UBXN11: variants seen among roughly 807,000 people sequenced by gnomAD.
UBXN11 encodes the protein UBX domain-containing protein 11.
Under a neutral mutation model 62.8 loss-of-function variants are expected in UBXN11, and 47 were observed. That is an observed-to-expected ratio of 0.75 (90% CI 0.59 to 0.95). The LOEUF (loss-of-function observed/expected upper bound fraction) is 0.95, where lower values mean the gene tolerates loss of function less well. Ranked by LOEUF, UBXN11 falls within the 40% of genes least tolerant of loss-of-function variation. UBXN11 has a pLI of 0.00. For missense variants in UBXN11, 638 were observed against 661.7 expected, an observed-to-expected ratio of 0.96 and a Z score of 0.39; for synonymous variants, 294 against 267.0, an observed-to-expected ratio of 1.10 and a Z score of -0.99.
chr1:26,294,630 C>T (rs181529809), intron 7 of UBXN11, among the ~76,000 whole-genome samples: 30 of 152,322 alleles, frequency 2.0e-4, no homozygotes, highest in African/African-American at 6.7e-4. Context: ...TGCGAGGGCT[C>T]GGTAAGGTCA....
At chr1:26,310,959 G>A (rs1353759774), upstream of UBXN11, among the ~76,000 whole-genome samples, 1 of 151,874 alleles carries the variant, frequency 6.6e-6, no homozygotes, top group Non-Finnish European at 1.5e-5. Flanking sequence ...TTCTGAGATG[G>A]GGTCGCCCAG....
intron 8 of UBXN11, among the ~76,000 whole-genome samples, chr1:26,293,239 T>C (rs940828261): frequency 4.6e-5 from 7 of 152,158 alleles, no homozygotes; most frequent in Non-Finnish European, 4.4e-5. Context: ...ACACTTGGGA[T>C]AGGAGGTAGA....
At chr1:26,283,066 G>A in intron 12 of UBXN11, 129 bp from the exon 13 acceptor site, 2 of 1,214,938 alleles carry the variant, frequency 1.6e-6, no homozygotes, top group Non-Finnish European at 2.4e-6. Context: ...GGGGTGTTCT[G>A]TATAAACCAA....
chr1:26,310,244 A>G (rs2073727811), upstream of UBXN11, among the ~76,000 whole-genome samples: 2 of 152,086 alleles, frequency 1.3e-5, no homozygotes, highest in Non-Finnish European at 2.9e-5. Context: ...CTACTAAAAA[A>G]TACAAAAACT....
chr1:26,288,435 G>T (rs1293281019), intron 8 of UBXN11, among the ~76,000 whole-genome samples: 5 of 152,102 alleles, frequency 3.3e-5, no homozygotes, highest in African/African-American at 1.2e-4. Flanking sequence ...TGAGACCAGG[G>T]GCCAGGAAGA....
intron 7 of UBXN11, among the ~76,000 whole-genome samples, chr1:26,296,064 T>C (rs1423386955): frequency 1.3e-5 from 2 of 152,184 alleles, no homozygotes; most frequent in African/African-American, 2.4e-5. Context: ...TTAAATTAGA[T>C]TGGGACTTTG....
chr1:26,294,418 GT>G, intron 7 of UBXN11, 87 bp from the exon 8 acceptor site: 1 of 1,550,074 alleles, frequency 6.5e-7, no homozygotes, highest in Non-Finnish European at 8.7e-7. Context: ...CCCAGCCTCA[GT>G]CTGCAGGCAA....
At chr1:26,312,952 C>A (rs1304988311) in intron 1 of UBXN11, among the ~76,000 whole-genome samples, 1 of 111,878 alleles carries the variant, frequency 8.9e-6, no homozygotes, top group Admixed American at 1.2e-4. Context: ...GCACTCCAGA[C>A]TGGGCAACAA....
At chr1:26,299,726 G>A (rs773824553) in intron 4 of UBXN11, among the ~76,000 whole-genome samples, 6 of 152,108 alleles carry the variant, frequency 3.9e-5, no homozygotes, top group Non-Finnish European at 5.9e-5. Context: ...TGTTACCTTG[G>A]TAGGGACAGA....
chr1:26,313,057 G>T (rs373403663), intron 1 of UBXN11, among the ~76,000 whole-genome samples: 28 of 149,940 alleles, frequency 1.9e-4, no homozygotes, highest in African/African-American at 6.1e-4. Flanking sequence ...ATAGGTGAAT[G>T]AATGGGTGGA....
chr1:26,317,324 A>G (rs1402706795), intron 1 of UBXN11, among the ~76,000 whole-genome samples: 1 of 152,188 alleles, frequency 6.6e-6, no homozygotes, highest in Non-Finnish European at 1.5e-5. Context: ...CCTTGAAATG[A>G]GGAACTGAGG....
intron 1 of UBXN11, among the ~76,000 whole-genome samples, chr1:26,315,217 A>G (rs1408158949): frequency 6.6e-6 from 1 of 152,228 alleles, no homozygotes; most frequent in Admixed American, 6.5e-5. Flanking sequence ...TTTGCAAGAA[A>G]ATGTTTACAA....
chr1:26,311,335 T>A (rs1293087514), upstream of UBXN11, among the ~76,000 whole-genome samples: 2 of 150,906 alleles, frequency 1.3e-5, no homozygotes, highest in Non-Finnish European at 2.9e-5. Flanking sequence ...AAAGACAGGG[T>A]TTCACCATGT....
chr1:26,315,484 C>T (rs1206034866), intron 1 of UBXN11, among the ~76,000 whole-genome samples: 1 of 152,188 alleles, frequency 6.6e-6, no homozygotes, highest in African/African-American at 2.4e-5. Context: ...ACAGGCACAC[C>T]AAAGACAGCT....
rs752220086 is a variant in UBXN11, at chr1:26,282,477, A to C, written c.1385T>G (p.Val462Gly). The change falls in exon 15 of 15, where the codon GTG (valine) becomes GGG (glycine). Residue 462 changes from valine to glycine, a missense_variant. Val to Gly is a moderately radical substitution (Grantham distance 109). Coordinates refer to ENST00000374222, the MANE Select transcript of UBXN11 (RefSeq NM_001389556.1). ...CCGCAGCAGCAGTGCTGCTTTGGGCACAAGGCCTGCAGCCTGCAGCGTGAG... is the reference window on the plus strand; with the variant it reads ...CCGCAGCAGCAGTGCTGCTTTGGGCCCAAGGCCTGCAGCCTGCAGCGTGAG... ...DTLTLQAAGL[V>G]PKAALLLRAR... is the part of the protein sequence containing the mutation. The C allele has an allele frequency of 1.9e-6, 3 of 1,609,070 alleles. No homozygotes were observed. Among genetic ancestry groups the C allele is most frequent in the South Asian group, 2.2e-5 (2 of 90,736 alleles).
rs1360216327 is a variant in UBXN11, at chr1:26,282,316, TGGGTCCAGGACA to T, written c.1534_1545del (p.Cys512_Pro515del). On this transcript the variant is annotated inframe_deletion, in exon 15 of 15. Transcript: ENST00000374222. Reference sequence around the variant, plus strand: ...CGGGTGCTTTATTGGGGGCTGGGACTGGGTCCAGGACAGGGACTGGGGCCGGGACCGGGACCG... The same window carrying T: ...CGGGTGCTTTATTGGGGGCTGGGACTGGGACTGGGGCCGGGACCGGGACCG... 2.7e-3 allele frequency: 3,911 copies of T among 1,454,484 alleles called. 133 individuals carry two copies. In the African/African-American group the frequency reaches 0.055, roughly 21 times the overall value. The allele number at this position is 1,454,484 out of a possible 1,614,324, so 90.1% of individuals were successfully genotyped here.
chr1:26,311,700 C>T (rs58240395), intron 1 of UBXN11, among the ~76,000 whole-genome samples: 3 of 152,082 alleles, frequency 2.0e-5, no homozygotes, highest in Admixed American at 6.5e-5. Flanking sequence ...CTCGGCCTCC[C>T]AGAGTGTTGG....
At chr1:26,284,592 C>A in intron 10 of UBXN11, 110 bp from the exon 11 acceptor site, 2 of 1,424,730 alleles carry the variant, frequency 1.4e-6, no homozygotes, top group Non-Finnish European at 1.8e-6. Flanking sequence ...CTAATGCAAC[C>A]CCCATTTTAC....
chr1:26,285,729 C>G, intron 9 of UBXN11, 94 bp downstream of exon 9: 1 of 1,474,646 alleles, frequency 6.8e-7, no homozygotes. Context: ...CCGTGGAGGG[C>G]AGGCTGGGCC....
Sources: allele counts gnomAD v4.1 joint callset (sites outside exome capture counted in the v4.1 genomes callset), GRCh38; gene constraint gnomAD v4.1.1; transcripts MANE v1.5; gene names NCBI Gene and HGNC (gene_info 2026-07-23, HGNC 2026-07-21).